The following KCTD7 variants were observed in gnomAD, a reference collection of about 807,000 sequenced individuals.
KCTD7 encodes the protein potassium channel tetramerization domain containing 7, also known as BTB/POZ domain-containing protein KCTD7.
In KCTD7, 15 loss-of-function variants were observed where a neutral mutation model predicts 27.0. That is an observed-to-expected ratio of 0.56 (90% CI 0.37 to 0.86). KCTD7 has a LOEUF of 0.86. KCTD7 is among the 40% of genes least tolerant of loss of function. The probability of loss-of-function intolerance (pLI) is 0.00; values close to 1 mark genes in which losing one functional copy is unlikely to be tolerated. For missense variants in KCTD7, 299 were observed against 398.9 expected, an observed-to-expected ratio of 0.75 and a Z score of 2.13; for synonymous variants, 159 against 162.7, an observed-to-expected ratio of 0.98 and a Z score of 0.17.
In KCTD7 at chr7:66,640,137, A is replaced by T; in HGVS notation, c.*905A>T. On this transcript the variant is annotated 3_prime_UTR_variant, in exon 4 of 4. Coordinates refer to ENST00000639828, the MANE Select transcript of KCTD7 (RefSeq NM_153033.5). ...TGTGTTAGAATCCAGTTTGTGGTGA[A>T]CCTCTTTGGAAGGGGACCCCCTCTC... 3.7e-6 allele frequency: 5 copies of T among 1,351,608 alleles called. No homozygotes were observed. Among genetic ancestry groups the T allele is most frequent in the Non-Finnish European group, 4.7e-6 (5 of 1,058,486 alleles). The allele number at this position is 1,351,608 out of a possible 1,614,324, so 83.7% of individuals were successfully genotyped here.
intron 2 of KCTD7, among the ~76,000 whole-genome samples, chr7:66,637,404 A>G (rs1786612805): frequency 6.6e-6 from 1 of 152,150 alleles, no homozygotes; most frequent in Non-Finnish European, 1.5e-5. Context: ...TTATATAGGA[A>G]TGTTCATCCC....
chr7:66,634,122 ATATATATATATATATG>A (rs1468387599), intron 2 of KCTD7, among the ~76,000 whole-genome samples: 3 of 145,510 alleles, frequency 2.1e-5, no homozygotes, highest in Admixed American at 6.9e-5. Flanking sequence ...ACATATATAT[ATATATATATATATATG>A]TATATATATG....
Position 66,640,053 on chromosome 7 carries a change from A to G in KCTD7, c.*821A>G, listed in dbSNP as rs939273084. 7.9e-7 allele frequency: 1 copy of G among 1,264,690 alleles called. No individual in the cohort carries two copies. Among genetic ancestry groups the G allele is most frequent in the African/African-American group, 1.5e-5 (1 of 64,762 alleles). 78.3% of individuals were successfully genotyped at this position (1,264,690 alleles called of 1,614,324 possible). ...AGGCAAGATGCCTAGATCTTCTGTT[A>G]TCTTTGACATGTAACATCCTTTTTA... On this transcript the variant is annotated 3_prime_UTR_variant, in exon 4 of 4. Coordinates refer to ENST00000639828, the MANE Select transcript of KCTD7 (RefSeq NM_153033.5).
At position 66,628,919 on chromosome 7, in the gene KCTD7, C is replaced by G; in HGVS notation, c.-146C>G. On this transcript the variant is annotated 5_prime_UTR_variant, in exon 1 of 4. Transcript: ENST00000639828. The stretch of plus-strand genomic sequence containing the variant: ...CGGGTCGGCGTTGAGGGAGCCACCG[C>G]CCTCCCGCCTGCGCACTGCCTCTCG... The G allele has an allele frequency of 1.3e-6, 1 of 752,138 alleles. No individual in the cohort carries two copies. The highest frequency in any genetic ancestry group is 1.9e-6 in the Non-Finnish European group (1 of 532,350). The allele number at this position is 752,138 out of a possible 1,614,324, so 46.6% of individuals were successfully genotyped here. A position where few individuals can be genotyped will look rare whatever the true frequency, so the allele number is the denominator to read the frequency against.
Position 66,639,488 on chromosome 7 carries a change from T to G in KCTD7, c.*256T>G. On this transcript the variant is annotated 3_prime_UTR_variant, in exon 4 of 4. Coordinates refer to ENST00000639828, the MANE Select transcript of KCTD7 (RefSeq NM_153033.5). ...GGCCTTTCCTCAAGGCATGGTAGTC[T>G]TTCCTTGAGGCTGATAGCTAGGGCT... The G allele has an allele frequency of 7.1e-7, 1 of 1,412,580 alleles. No homozygotes were observed. The highest frequency in any genetic ancestry group is 9.2e-7 in the Non-Finnish European group (1 of 1,084,628). 87.5% of individuals were successfully genotyped at this position (1,412,580 alleles called of 1,614,324 possible). A position where few individuals can be genotyped will look rare whatever the true frequency, so the allele number is the denominator to read the frequency against.
At position 66,639,420 on chromosome 7, in the gene KCTD7, C is replaced by G; in HGVS notation, c.*188C>G. The G allele has an allele frequency of 6.7e-7, 1 of 1,483,580 alleles. No individual in the cohort carries two copies. Among genetic ancestry groups the G allele is most frequent in the Non-Finnish European group, 8.9e-7 (1 of 1,118,980 alleles). The allele number at this position is 1,483,580 out of a possible 1,614,324, so 91.9% of individuals were successfully genotyped here. ...TCCCTGACTGCACCTCAGGGTTGGGCTCAGGGCTTGCGGCCTGCAGGCACT... is the reference window on the plus strand; with the variant it reads ...TCCCTGACTGCACCTCAGGGTTGGGGTCAGGGCTTGCGGCCTGCAGGCACT... On this transcript the variant is annotated 3_prime_UTR_variant, in exon 4 of 4. Transcript: ENST00000639828.
rs1412819969 is a variant in KCTD7, at chr7:66,640,215, C to G, written c.*983C>G. 1.4e-6 allele frequency: 2 copies of G among 1,455,050 alleles called. No individual in the cohort carries two copies. The highest frequency in any genetic ancestry group is 1.8e-6 in the Non-Finnish European group (2 of 1,111,902). The allele number at this position is 1,455,050 out of a possible 1,614,324, so 90.1% of individuals were successfully genotyped here. On this transcript the variant is annotated 3_prime_UTR_variant, in exon 4 of 4. Transcript: ENST00000639828. ...ACATTCTCCTTCTAGGAGAGCCTCT[C>G]TTCTGAGAAGGTAAAGGAAGGGCTG...
Position 66,642,526 on chromosome 7 carries a change from A to G in KCTD7, c.*3294A>G. 3.0e-6 allele frequency: 3 copies of G among 985,474 alleles called. No homozygotes were observed. The highest frequency in any genetic ancestry group is 3.6e-6 in the Non-Finnish European group (3 of 829,938). The allele number at this position is 985,474 out of a possible 1,614,324, so 61.0% of individuals were successfully genotyped here. ...ACCAGCTCTTGAACAGGTTAAAGCA[A>G]ACAGCAATAACAAAACAAAAACTAC... On this transcript the variant is annotated 3_prime_UTR_variant, in exon 4 of 4. Coordinates refer to ENST00000639828, the MANE Select transcript of KCTD7 (RefSeq NM_153033.5).
At chr7:66,634,119 T>TATATAC (rs2116765816) in intron 2 of KCTD7, among the ~76,000 whole-genome samples, 1 of 134,028 alleles carries the variant, frequency 7.5e-6, no homozygotes, top group South Asian at 2.3e-4. Context: ...TATACATATA[T>TATATAC]ATATATATAT....
Position 66,639,393 on chromosome 7 carries a change from T to G in KCTD7, c.*161T>G. On this transcript the variant is annotated 3_prime_UTR_variant, in exon 4 of 4. Coordinates refer to ENST00000639828, the MANE Select transcript of KCTD7 (RefSeq NM_153033.5). ...CCAGGGGACAGAGGTGTAGCTCCAA[T>G]CTCCCTGACTGCACCTCAGGGTTGG... 6.6e-7 allele frequency: 1 copy of G among 1,513,444 alleles called. No individual in the cohort carries two copies. The highest frequency in any genetic ancestry group is 8.8e-7 in the Non-Finnish European group (1 of 1,133,832). 93.8% of individuals were successfully genotyped at this position (1,513,444 alleles called of 1,614,324 possible).
rs1584402047 is a variant in KCTD7 at position 66,643,016 on chromosome 7, C to T, written c.*3784C>T. The T allele has an allele frequency of 4.1e-6, 4 of 985,422 alleles. No homozygotes were observed. The highest frequency in any genetic ancestry group is 4.8e-6 in the Non-Finnish European group (4 of 829,958). The allele number at this position is 985,422 out of a possible 1,614,324, so 61.0% of individuals were successfully genotyped here. A position where few individuals can be genotyped will look rare whatever the true frequency, so the allele number is the denominator to read the frequency against. ...TGCTTTGGTGTATTGAGCCTCAGTA[C>T]ACTCCAAGGGCATTAAAGTCAAGAA... On this transcript the variant is annotated 3_prime_UTR_variant, in exon 4 of 4. Coordinates refer to ENST00000639828, the MANE Select transcript of KCTD7 (RefSeq NM_153033.5).
Position 66,640,178 on chromosome 7 carries a change from T to G in KCTD7, c.*946T>G. 1 of 1,421,410 alleles carries G rather than the reference T, an allele frequency of 7.0e-7. No homozygotes were observed. Among genetic ancestry groups the G allele is most frequent in the Non-Finnish European group, 9.1e-7 (1 of 1,095,026 alleles). The allele number at this position is 1,421,410 out of a possible 1,614,324, so 88.0% of individuals were successfully genotyped here. Reference sequence around the variant, plus strand: ...ACCCCCTCTCTTTAAACCCTGTTCCTCTGTCCTGGTAACATTCTCCTTCTA... The same window carrying G: ...ACCCCCTCTCTTTAAACCCTGTTCCGCTGTCCTGGTAACATTCTCCTTCTA... On this transcript the variant is annotated 3_prime_UTR_variant, in exon 4 of 4. Transcript: ENST00000639828.
intron 1 of KCTD7, among the ~76,000 whole-genome samples, chr7:66,631,168 A>C (rs758174698): frequency 2.8e-4 from 42 of 152,324 alleles, no homozygotes; most frequent in Middle Eastern, 6.8e-3. Context: ...CAGGCGCTGC[A>C]CAAGGCCCTG....
At position 66,640,868 on chromosome 7, in the gene KCTD7, G is replaced by C. The variant is rs145203478; in HGVS notation, c.*1636G>C. On this transcript the variant is annotated 3_prime_UTR_variant, in exon 4 of 4. Transcript: ENST00000639828. The stretch of plus-strand genomic sequence containing the variant: ...ATAAATAAATAAATTGGGGAGGACA[G>C]CCTCACTGGTATCAGACTTACAGGA... The C allele has an allele frequency of 5.1e-6, 5 of 986,526 alleles. No individual in the cohort carries two copies. The African/African-American group carries it at 8.7e-5, about 17-fold the overall frequency. 61.1% of individuals were successfully genotyped at this position (986,526 alleles called of 1,614,324 possible). A position where few individuals can be genotyped will look rare whatever the true frequency, so the allele number is the denominator to read the frequency against.
rs1386046650 is a variant in KCTD7 at position 66,640,064 on chromosome 7, G to A, written c.*832G>A. 7.9e-7 allele frequency: 1 copy of A among 1,268,576 alleles called. No individual in the cohort carries two copies. Among genetic ancestry groups the A allele is most frequent in the East Asian group, 3.1e-5 (1 of 32,538 alleles). 78.6% of individuals were successfully genotyped at this position (1,268,576 alleles called of 1,614,324 possible). A position where few individuals can be genotyped will look rare whatever the true frequency, so the allele number is the denominator to read the frequency against. ...CTAGATCTTCTGTTATCTTTGACAT[G>A]TAACATCCTTTTTAGAGGCTCAGAA... is the stretch of plus-strand genomic sequence containing the variant. On this transcript the variant is annotated 3_prime_UTR_variant, in exon 4 of 4. Transcript: ENST00000639828.
intron 1 of KCTD7, among the ~76,000 whole-genome samples, chr7:66,632,082 A>G (rs556014191): frequency 3.3e-5 from 5 of 152,360 alleles, no homozygotes; most frequent in African/African-American, 1.2e-4. Flanking sequence ...TCCTAGGGGC[A>G]GGTGAGGGAC....
chr7:66,641,054 C>G lies in KCTD7; in HGVS notation c.*1822C>G. 1 of 985,408 alleles carries G rather than the reference C, an allele frequency of 1.0e-6. No individual in the cohort carries two copies. The highest frequency in any genetic ancestry group is 4.7e-5 in the South Asian group (1 of 21,288). 61.0% of individuals were successfully genotyped at this position (985,408 alleles called of 1,614,324 possible). On this transcript the variant is annotated 3_prime_UTR_variant, in exon 4 of 4. Transcript: ENST00000639828. ...AAAGATTCCAGGGCGTGGTTTTGCA[C>G]TCCTGTTGTACTCTTTTAGAGGTGG...
At chr7:66,637,655 TTATA>T (rs1221565195) in intron 2 of KCTD7, among the ~76,000 whole-genome samples, 3 of 152,126 alleles carry the variant, frequency 2.0e-5, no homozygotes, top group Non-Finnish European at 2.9e-5. Flanking sequence ...ATAATTCTGT[TTATA>T]TATATATTTC....
In KCTD7 at chr7:66,641,059, G is replaced by C; in HGVS notation, c.*1827G>C. 2.0e-6 allele frequency: 2 copies of C among 985,380 alleles called. No homozygotes were observed. The highest frequency in any genetic ancestry group is 2.4e-6 in the Non-Finnish European group (2 of 829,920). The allele number at this position is 985,380 out of a possible 1,614,324, so 61.0% of individuals were successfully genotyped here. On this transcript the variant is annotated 3_prime_UTR_variant, in exon 4 of 4. Transcript: ENST00000639828. The stretch of plus-strand genomic sequence containing the variant: ...TTCCAGGGCGTGGTTTTGCACTCCT[G>C]TTGTACTCTTTTAGAGGTGGAAAAG...
Sources: allele counts gnomAD v4.1 joint callset (sites outside exome capture counted in the v4.1 genomes callset), GRCh38; gene constraint gnomAD v4.1.1; transcripts MANE v1.5; gene names NCBI Gene and HGNC (gene_info 2026-07-23, HGNC 2026-07-21).